Variants in CDC16 observed in about 807,000 individuals in gnomAD.
CDC16 encodes the protein cell division cycle protein 16 homolog.
Under a neutral mutation model 87.0 loss-of-function variants are expected in CDC16, and 34 were observed. That is an observed-to-expected ratio of 0.39 (90% CI 0.30 to 0.52). CDC16 has a LOEUF of 0.52. Ranked by LOEUF, CDC16 falls within the 20% of genes least tolerant of loss-of-function variation. The probability of loss-of-function intolerance (pLI) is 0.74; values close to 1 mark genes in which losing one functional copy is unlikely to be tolerated. For synonymous variants in CDC16, 263 were observed against 260.6 expected (o/e 1.01, Z -0.09); for missense variants, 653 against 751.9 (o/e 0.87, Z 1.54).
Position 114,272,167 on chromosome 13 carries a change from A to T in CDC16, c.1604-17A>T. 7.5e-7 allele frequency: 1 copy of T among 1,341,866 alleles called. No individual in the cohort carries two copies. Among genetic ancestry groups the T allele is most frequent in the Non-Finnish European group, 1.0e-6 (1 of 966,378 alleles). The allele number at this position is 1,341,866 out of a possible 1,614,324, so 83.1% of individuals were successfully genotyped here. A position where few individuals can be genotyped will look rare whatever the true frequency, so the allele number is the denominator to read the frequency against. Reference sequence around the variant, plus strand: ...TGGAATTTCTTATTTTATTCTAATTATAGTATTTCTTTTTAGGAGCAGACA... The same window carrying T: ...TGGAATTTCTTATTTTATTCTAATTTTAGTATTTCTTTTTAGGAGCAGACA... On this transcript the variant is annotated splice_polypyrimidine_tract_variant and intron_variant, in intron 17 of 17. Transcript: ENST00000356221.
chr13:114,268,572 CTG>C (rs1231190294), intron 17 of CDC16, among the ~76,000 whole-genome samples: 5 of 152,158 alleles, frequency 3.3e-5, no homozygotes, highest in Admixed American at 6.5e-5. Context: ...CAAATGAAGA[CTG>C]TGACCAATCA....
At chr13:114,249,897 A>G (rs1004114716) in intron 11 of CDC16, among the ~76,000 whole-genome samples, 4 of 152,244 alleles carry the variant, frequency 2.6e-5, no homozygotes, top group Admixed American at 6.5e-5. Context: ...AAATTTTGCT[A>G]TACTATTAAA....
At chr13:114,236,736 C>G in intron 2 of CDC16, 37 bp downstream of exon 2, 1 of 1,612,876 alleles carries the variant, frequency 6.2e-7, no homozygotes. Flanking sequence ...TCTGATTAAT[C>G]TTAAAATTCG....
rs9525197 is a variant in CDC16 at position 114,260,326 on chromosome 13, G to T, written c.1314+928G>T. Among the ~76,000 whole-genome samples, 437 of 152,288 alleles carry T rather than the reference G, an allele frequency of 2.9e-3. 3 individuals are homozygous for T. Among genetic ancestry groups the T allele is most frequent in the Non-Finnish European group, 4.8e-3 (329 of 68,032 alleles). ...TGTATATAAAGCAGGTGCCTCTGTCGCATAGTCTTGGGTAGTTCTGGATAA... is the reference window on the plus strand; with the variant it reads ...TGTATATAAAGCAGGTGCCTCTGTCTCATAGTCTTGGGTAGTTCTGGATAA... On this transcript the variant is annotated intron_variant, in intron 14 of 17. Coordinates refer to ENST00000356221, the MANE Select transcript of CDC16 (RefSeq NM_001078645.3).
In CDC16 at chr13:114,234,992, C is replaced by CGGCCGT; in HGVS notation, c.-93_-92insGGCCGT. 9.4e-7 allele frequency: 1 copy of CGGCCGT among 1,061,552 alleles called. No homozygotes were observed. Among genetic ancestry groups the CGGCCGT allele is most frequent in the Non-Finnish European group, 1.2e-6 (1 of 833,880 alleles). 65.8% of individuals were successfully genotyped at this position (1,061,552 alleles called of 1,614,324 possible). A position where few individuals can be genotyped will look rare whatever the true frequency, so the allele number is the denominator to read the frequency against. ...AGTCCTGGGGCGGCGGCGGCGGCTG[C>CGGCCGT]AGGCACGGGCACGGGCACGGGGCGG... On this transcript the variant is annotated 5_prime_UTR_variant, in exon 1 of 18. Transcript: ENST00000356221.
intron 17 of CDC16, among the ~76,000 whole-genome samples, chr13:114,266,271 G>A (rs567694924): frequency 6.6e-6 from 1 of 152,228 alleles, no homozygotes; most frequent in South Asian, 2.1e-4. Context: ...CCTAAAACGG[G>A]GTCTGTGGCA....
rs1266032340 is a variant in CDC16, at chr13:114,247,004, G to C, written c.971G>C (p.Ser324Thr). 1 of 1,599,644 alleles carries C rather than the reference G, an allele frequency of 6.3e-7. No individual in the cohort carries two copies. The highest frequency in any genetic ancestry group is 1.3e-5 in the African/African-American group (1 of 74,660). ...AATGAACATGCCAGAAGATATCTCAGGTATGAATTTATTTTTTTCCTCTCT... is the reference window on the plus strand; with the variant it reads ...AATGAACATGCCAGAAGATATCTCACGTATGAATTTATTTTTTTCCTCTCT... ...HKNEHARRYL[S>T]KATTLEKTYG... The change falls in exon 11 of 18, where the codon AGC (serine) becomes ACC (threonine). Residue 324 changes from serine (S) to threonine (T), a missense_variant and splice_region_variant. Ser to Thr is a moderately conservative substitution (Grantham distance 58, BLOSUM62 1). Coordinates refer to ENST00000356221, the MANE Select transcript of CDC16 (RefSeq NM_001078645.3).
chr13:114,263,823 T>C (rs1034533708), intron 16 of CDC16, among the ~76,000 whole-genome samples: 1 of 152,192 alleles, frequency 6.6e-6, no homozygotes, highest in Non-Finnish European at 1.5e-5. Flanking sequence ...TCTGTTTAAG[T>C]GTTCCTCGCA....
intron 7 of CDC16, 50 bp downstream of exon 7, chr13:114,243,398 CA>C: frequency 1.1e-6 from 1 of 900,222 alleles, no homozygotes; most frequent in East Asian, 2.4e-5. Flanking sequence ...TATCTTATTC[CA>C]TAAAATTTGG....
chr13:114,272,096 TAAATG>T (rs1389865322), intron 17 of CDC16, 83 bp from the exon 18 acceptor site: 16 of 746,302 alleles, frequency 2.1e-5, no homozygotes, highest in Non-Finnish European at 3.0e-5. Flanking sequence ...TAATCTGACT[TAAATG>T]ATAAGAGATG....
intron 9 of CDC16, chr13:114,245,679 G>A (rs1041687142): frequency 8.3e-6 from 2 of 241,384 alleles, no homozygotes; most frequent in African/African-American, 4.5e-5. Context: ...CAGCCAAATT[G>A]GTTGTGGGTG....
At chr13:114,245,261 C>CT (rs1384334589) in intron 9 of CDC16, among the ~76,000 whole-genome samples, 2 of 148,556 alleles carry the variant, frequency 1.3e-5, no homozygotes, top group African/African-American at 5.0e-5. Flanking sequence ...TCAGTTCTGC[C>CT]TCCCCCCCCC....
rs2138995523 is a variant in CDC16, at chr13:114,250,781, A to G, written c.1097+107A>G. ...TTTGGTTGCTAAACTAAACACAAAC[A>G]TTTTACTTGCCTTTTAATCTAGTTG... On this transcript the variant is annotated intron_variant, in intron 12 of 17. Coordinates refer to ENST00000356221, the MANE Select transcript of CDC16 (RefSeq NM_001078645.3). 5.6e-6 allele frequency: 6 copies of G among 1,073,278 alleles called. No homozygotes were observed. The South Asian group carries it at 8.9e-5, about 16-fold the overall frequency. The allele number at this position is 1,073,278 out of a possible 1,614,324, so 66.5% of individuals were successfully genotyped here.
Position 114,259,373 on chromosome 13 carries a change from A to G in CDC16, c.1289A>G (p.Glu430Gly). 1 of 1,574,896 alleles carries G rather than the reference A, an allele frequency of 6.3e-7. No homozygotes were observed. The highest frequency in any genetic ancestry group is 8.6e-7 in the Non-Finnish European group (1 of 1,169,064). ...GAAAAATGGTTTCTTGATGCTTTGG[A>G]AAAAATTAAAGCAATTGGGAACGAG... is the stretch of plus-strand genomic sequence containing the variant. The part of the protein sequence containing the change: ...TAEKWFLDAL[E>G]KIKAIGNEVT... The change falls in exon 14 of 18, where the codon GAA becomes GGA. Residue 430 changes from glutamate to glycine, a missense_variant. Coordinates refer to ENST00000356221, the MANE Select transcript of CDC16 (RefSeq NM_001078645.3).
intron 12 of CDC16, among the ~76,000 whole-genome samples, chr13:114,252,268 A>T (rs2082237165): frequency 1.3e-5 from 2 of 152,130 alleles, no homozygotes; most frequent in Admixed American, 1.3e-4. Flanking sequence ...GGAGCCTTAC[A>T]CTAGCCCTGT....
chr13:114,248,259 A>G (rs574908620), intron 11 of CDC16, among the ~76,000 whole-genome samples: 2 of 152,344 alleles, frequency 1.3e-5, no homozygotes, highest in South Asian at 4.1e-4. Flanking sequence ...TGCAAATAAA[A>G]CAGAATTGGT....
intron 13 of CDC16, among the ~76,000 whole-genome samples, chr13:114,258,029 C>T (rs2082616638): frequency 6.6e-6 from 1 of 152,114 alleles, no homozygotes; most frequent in Admixed American, 6.6e-5. Context: ...TGGTGATCCG[C>T]CTGCCTCAGC....
chr13:114,261,104 C>T (rs1029895062), intron 14 of CDC16, among the ~76,000 whole-genome samples: 1 of 152,104 alleles, frequency 6.6e-6, no homozygotes, highest in African/African-American at 2.4e-5. Context: ...AGTCATCAGA[C>T]ATCAGCTAGG....
intron 12 of CDC16, among the ~76,000 whole-genome samples, chr13:114,256,675 G>C (rs935087998): frequency 6.6e-6 from 1 of 152,190 alleles, no homozygotes; most frequent in Middle Eastern, 3.2e-3. Context: ...GTCAGAGGTA[G>C]CTTCATAAAG....
Sources: allele counts gnomAD v4.1 joint callset (sites outside exome capture counted in the v4.1 genomes callset), GRCh38; gene constraint gnomAD v4.1.1; transcripts MANE v1.5; gene names NCBI Gene and HGNC (gene_info 2026-07-23, HGNC 2026-07-21).